The following DLG2 variants were observed in gnomAD, a reference collection of about 807,000 sequenced individuals.
DLG2 encodes discs large MAGUK scaffold protein 2.
In DLG2, 45 loss-of-function variants were observed where a neutral mutation model predicts 132.5. That is an observed-to-expected ratio of 0.34 (90% CI 0.27 to 0.44). The LOEUF (loss-of-function observed/expected upper bound fraction) is 0.44. Ranked by LOEUF, DLG2 falls within the 20% of genes least tolerant of loss-of-function variation. The pLI is 1.00. For missense variants in DLG2, 1,045 were observed against 1,196.9 expected (o/e 0.87, Z 1.87); for synonymous variants, 424 against 419.6 (o/e 1.01, Z -0.13).
intron 9 of DLG2, among the ~76,000 whole-genome samples, chr11:84,112,385 T>C (rs1199870419): frequency 6.7e-6 from 1 of 149,752 alleles, no homozygotes; most frequent in Non-Finnish European, 1.5e-5. Flanking sequence ...TCCAGAAGTA[T>C]AATTTTCTCA....
intron 21 of DLG2, among the ~76,000 whole-genome samples, chr11:83,528,369 T>A (rs1453662263): frequency 6.6e-6 from 1 of 152,174 alleles, no homozygotes; most frequent in Non-Finnish European, 1.5e-5. Context: ...TTCTGGCCTT[T>A]CTGACCTTCT....
intron 17 of DLG2, among the ~76,000 whole-genome samples, chr11:83,809,876 T>C (rs141442470): frequency 7.6e-4 from 115 of 152,286 alleles, no homozygotes; most frequent in Non-Finnish European, 1.5e-3. Flanking sequence ...GACAGATGCA[T>C]GCATGCCATC....
At position 85,382,284 on chromosome 11, in the gene DLG2, A is replaced by G. The variant is rs118062125; in HGVS notation, c.41-96919T>C. Among the ~76,000 whole-genome samples, 43 of 152,276 alleles carry G rather than the reference A, an allele frequency of 2.8e-4. No individual in the cohort carries two copies. The East Asian group carries it at 7.1e-3, about 25-fold the overall frequency. ...TCAGTGTGAAAGAATAATCTTTTCA[A>G]CAAATGTTTTGGGGACAATTGAAAA... On this transcript the variant is annotated intron_variant, in intron 3 of 27. Coordinates refer to ENST00000376104, the MANE Select transcript of DLG2 (RefSeq NM_001142699.3).
intron 14 of DLG2, among the ~76,000 whole-genome samples, chr11:83,960,391 G>C (rs2088289885): frequency 6.6e-6 from 1 of 151,864 alleles, no homozygotes; most frequent in South Asian, 2.1e-4. Context: ...TCAGACTTTT[G>C]AATTTTACAG....
At chr11:83,981,476 C>T (rs897449466) in intron 11 of DLG2, among the ~76,000 whole-genome samples, 1 of 152,112 alleles carries the variant, frequency 6.6e-6, no homozygotes, top group Non-Finnish European at 1.5e-5. Flanking sequence ...TAGTCTCGCT[C>T]TGTCGCCCAG....
intron 6 of DLG2, among the ~76,000 whole-genome samples, chr11:84,921,445 A>G (rs998599233): frequency 6.6e-6 from 1 of 152,186 alleles, no homozygotes; most frequent in Non-Finnish European, 1.5e-5. Flanking sequence ...AGTAATCTGA[A>G]TTTAGTTAAG....
At position 85,279,878 on chromosome 11, in the gene DLG2, A is replaced by G. The variant is rs1297390001; in HGVS notation, c.186+5342T>C. Among the ~76,000 whole-genome samples, 4 of 152,240 alleles carry G rather than the reference A, an allele frequency of 2.6e-5. No individual in the cohort carries two copies. The East Asian group carries it at 7.7e-4, about 29-fold the overall frequency. On this transcript the variant is annotated intron_variant, in intron 4 of 27. Transcript: ENST00000376104. ...CTTCTGGAGCCTCACCAAAATATCC[A>G]TGGAAGGAATTTTAAGTAACAGTAA...
At chr11:85,276,439 C>T (rs1449935264) in intron 4 of DLG2, among the ~76,000 whole-genome samples, 2 of 152,222 alleles carry the variant, frequency 1.3e-5, no homozygotes, top group South Asian at 2.1e-4. Flanking sequence ...CCATTCTCTC[C>T]GGTCTCCATA....
At chr11:84,405,206 T>A (rs1000327533) in intron 7 of DLG2, among the ~76,000 whole-genome samples, 1 of 152,236 alleles carries the variant, frequency 6.6e-6, no homozygotes, top group African/African-American at 2.4e-5. Flanking sequence ...ATCTGTTTTA[T>A]GTTAGCAATT....
chr11:83,571,147 G>T (rs903547008), intron 19 of DLG2, among the ~76,000 whole-genome samples: 1 of 152,116 alleles, frequency 6.6e-6, no homozygotes, highest in African/African-American at 2.4e-5. Context: ...CTCCCAAAGT[G>T]CTGGGCTTAT....
At chr11:83,717,162 A>C (rs1452374613) in intron 18 of DLG2, among the ~76,000 whole-genome samples, 1 of 152,184 alleles carries the variant, frequency 6.6e-6, no homozygotes, top group African/African-American at 2.4e-5. Context: ...ACTAGGAAAA[A>C]GTCCTAGATT....
intron 7 of DLG2, among the ~76,000 whole-genome samples, chr11:84,407,092 G>A (rs1323568174): frequency 1.3e-5 from 2 of 152,020 alleles, no homozygotes; most frequent in Non-Finnish European, 2.9e-5. Context: ...CTGGGCTTCC[G>A]CACCTCAGTC....
rs539991315 is a variant in DLG2, at chr11:84,895,271, T to C, written c.357+216390A>G. 3.9e-5 allele frequency among the ~76,000 whole-genome samples: 6 copies of C among 152,224 alleles called. No individual in the cohort carries two copies. In the South Asian group the frequency reaches 6.2e-4, roughly 16 times the overall value. On this transcript the variant is annotated intron_variant, in intron 6 of 27. Transcript: ENST00000376104. ...AAGAAAAGATATTAGTGGAACCACA[T>C]TGATGCTATTTTAAAACAAAGCAAT... is the stretch of plus-strand genomic sequence containing the variant.
At chr11:84,809,586 C>T (rs1288040415) in intron 6 of DLG2, among the ~76,000 whole-genome samples, 2 of 151,864 alleles carry the variant, frequency 1.3e-5, no homozygotes, top group Non-Finnish European at 2.9e-5. Flanking sequence ...TAGGGTAACA[C>T]TATAAAAGCA....
At chr11:84,349,992 A>C (rs1334851229) in intron 7 of DLG2, among the ~76,000 whole-genome samples, 5 of 152,012 alleles carry the variant, frequency 3.3e-5, no homozygotes, top group Non-Finnish European at 7.4e-5. Flanking sequence ...CCTAGCTAAC[A>C]CGGTGAAACC....
chr11:83,995,885 T>C (rs1432443721), intron 11 of DLG2, among the ~76,000 whole-genome samples: 1 of 152,048 alleles, frequency 6.6e-6, no homozygotes, highest in Non-Finnish European at 1.5e-5. Flanking sequence ...AAGAAAACAT[T>C]GGGGAAGATT....
chr11:83,911,880 T>C (rs147306504), intron 15 of DLG2, among the ~76,000 whole-genome samples: 38 of 152,100 alleles, frequency 2.5e-4, no homozygotes, highest in Middle Eastern at 3.4e-3. Context: ...TTTTTGACAG[T>C]GCAATTACAA....
chr11:83,569,316 G>A (rs1436567465), intron 19 of DLG2, among the ~76,000 whole-genome samples: 1 of 152,054 alleles, frequency 6.6e-6, no homozygotes. Context: ...AATTATGTCA[G>A]TAAGCTCATG....
Position 84,794,081 on chromosome 11 carries a change from G to A in DLG2, c.358-259350C>T, listed in dbSNP as rs115085741. On this transcript the variant is annotated intron_variant, in intron 6 of 27. Transcript: ENST00000376104. ...GTATCTGTTGTATGTTTTTTGATGT[G>A]AAGTTACCATGAGGCTTGCAAGTAC... Among the ~76,000 whole-genome samples, 625 of 152,138 alleles carry A rather than the reference G, an allele frequency of 4.1e-3. 2 individuals are homozygous for A. The highest frequency in any genetic ancestry group is 0.014 in the African/African-American group (586 of 41,504).
Sources: allele counts gnomAD v4.1 joint callset (sites outside exome capture counted in the v4.1 genomes callset), GRCh38; gene constraint gnomAD v4.1.1; transcripts MANE v1.5; gene names NCBI Gene and HGNC (gene_info 2026-07-23, HGNC 2026-07-21).